The following HHIPL2 variants were observed in gnomAD, a reference collection of about 807,000 sequenced individuals.
HHIPL2 encodes the protein HHIP-like protein 2.
In HHIPL2, 61 loss-of-function variants were observed where a neutral mutation model predicts 61.0. The observed-to-expected ratio is 1.00, with a 90% confidence interval of 0.81 to 1.24. The LOEUF is 1.24. Ranked by LOEUF, HHIPL2 falls within the 50% of genes most tolerant of loss-of-function variation. The pLI is 0.00. For synonymous variants in HHIPL2, 343 were observed against 357.4 expected (o/e 0.96, Z 0.45); for missense variants, 885 against 910.2 (o/e 0.97, Z 0.36).
intron 1 of HHIPL2, 39 bp from the exon 2 acceptor site, chr1:222,544,228 T>A: frequency 6.4e-7 from 1 of 1,569,360 alleles, no homozygotes; most frequent in East Asian, 2.3e-5. Context: ...GCATCAGACC[T>A]GCCACACCGG....
At chr1:222,532,191 C>T in intron 5 of HHIPL2, 80 bp from the exon 6 acceptor site, 1 of 1,334,300 alleles carries the variant, frequency 7.5e-7, no homozygotes, top group Non-Finnish European at 1.0e-6. Context: ...AATCAGAGAT[C>T]CCTGAGTACT....
intron 7 of HHIPL2, among the ~76,000 whole-genome samples, chr1:222,526,585 A>C (rs748148066): frequency 2.0e-5 from 3 of 151,860 alleles, no homozygotes; most frequent in Non-Finnish European, 2.9e-5. Flanking sequence ...CATGCCTGTA[A>C]TCTCAGCTAC....
chr1:222,537,710 G>A (rs556592474), intron 5 of HHIPL2, among the ~76,000 whole-genome samples: 29 of 151,340 alleles, frequency 1.9e-4, no homozygotes, highest in African/African-American at 6.8e-4. Context: ...AGAAAATCCA[G>A]TAGAATCTAC....
In HHIPL2 at chr1:222,542,023, A is replaced by G; in HGVS notation, c.1107T>C (p.Asn369=). The G allele has an allele frequency of 6.2e-7, 1 of 1,612,086 alleles. No homozygotes were observed. Among genetic ancestry groups the G allele is most frequent in the South Asian group, 1.1e-5 (1 of 90,550 alleles). ...QAGDPFGLFG[N]AQNKSSLLGK... is the part of the protein sequence containing the mutation. ...CCCATCCAGCTTACTTGTTCTGAGC[A>G]TTTCCAAACAGGCCAAAGGGATCTC... The change falls in exon 3 of 9, where the codon AAT becomes AAC. Residue 369 remains asparagine, a synonymous_variant. Coordinates refer to ENST00000343410, the MANE Select transcript of HHIPL2 (RefSeq NM_024746.4).
Position 222,545,568 on chromosome 1 carries a change from G to A in HHIPL2, c.322-1379C>T, listed in dbSNP as rs556906908. Among the ~76,000 whole-genome samples, 204 of 152,268 alleles carry A rather than the reference G, an allele frequency of 1.3e-3. 1 individual carries two copies. Among genetic ancestry groups the A allele is most frequent in the African/African-American group, 4.6e-3 (193 of 41,554 alleles). On this transcript the variant is annotated intron_variant, in intron 1 of 8. Transcript: ENST00000343410. The stretch of plus-strand genomic sequence containing the variant: ...GAGACTGGGAAAAAGGGAGAAGGGA[G>A]GCTGAATTAAGGATCCAATACTAGA...
intron 5 of HHIPL2, among the ~76,000 whole-genome samples, chr1:222,536,613 G>A (rs2102616623): frequency 6.6e-6 from 1 of 152,298 alleles, no homozygotes; most frequent in South Asian, 2.1e-4. Context: ...TTGAACAGGA[G>A]TACTTATTCT....
chr1:222,539,978 C>A (rs747470915), intron 4 of HHIPL2, 32 bp downstream of exon 4: 8 of 1,582,708 alleles, frequency 5.1e-6, no homozygotes, highest in Non-Finnish European at 6.9e-6. Context: ...CTCAACTCAT[C>A]CAAGAAATCA....
intron 7 of HHIPL2, 124 bp from the exon 8 acceptor site, chr1:222,523,818 G>T: frequency 3.6e-6 from 3 of 823,936 alleles, no homozygotes; most frequent in Non-Finnish European, 4.1e-6. Context: ...ATGGGGATGG[G>T]GTAGATGTAA....
intron 4 of HHIPL2, chr1:222,539,003 C>A: frequency 2.0e-6 from 1 of 496,760 alleles, no homozygotes; most frequent in African/African-American, 1.9e-5. Context: ...GAGAGGAAGC[C>A]AAAAATTCCC....
chr1:222,546,174 T>C (rs1326791856), intron 1 of HHIPL2, among the ~76,000 whole-genome samples: 2 of 152,238 alleles, frequency 1.3e-5, no homozygotes, highest in East Asian at 1.9e-4. Flanking sequence ...AAAGTCTCTC[T>C]TCCAATGGAG....
Position 222,543,840 on chromosome 1 carries a change from T to C in HHIPL2, c.671A>G (p.His224Arg). Residue 224 changes from histidine (H) to arginine (R), a missense_variant, in exon 2 of 9, where the codon CAT becomes CGT. Physicochemically the swap from His to Arg is conservative, Grantham distance 29. Coordinates refer to ENST00000343410, the MANE Select transcript of HHIPL2 (RefSeq NM_024746.4). ...GAAGCGATGGGTGCCGTCCCCAGCA[T>C]GGACCATGGAGACGGGGTTCCTCAG... The part of the protein sequence containing the change: ...NGLRNPVSMV[H>R]AGDGTHRFFV... The C allele has an allele frequency of 6.2e-7, 1 of 1,614,162 alleles. No individual in the cohort carries two copies. Among genetic ancestry groups the C allele is most frequent in the Non-Finnish European group, 8.5e-7 (1 of 1,180,026 alleles).
chr1:222,528,638 C>T (rs893126557), intron 6 of HHIPL2, among the ~76,000 whole-genome samples: 12 of 152,062 alleles, frequency 7.9e-5, no homozygotes, highest in South Asian at 4.1e-4. Context: ...GTTCGATAAT[C>T]GTAGTTATTT....
chr1:222,523,675 A>G lies in HHIPL2; in HGVS notation c.1825T>C (p.Cys609Arg), dbSNP rs1157304137. ...CTCACGGGCACTGGCTTGTATTTGC[A>G]CTTGCCTGGGGGTGCTCGCCTAAAA... Reference protein sequence around the residue: ...DPSRRAPPGKCKYKPVPVRTK... With the variant: ...DPSRRAPPGKRKYKPVPVRTK... The change falls in exon 8 of 9, where the codon TGC becomes CGC. Residue 609 changes from cysteine to arginine, a missense_variant. Transcript: ENST00000343410. The G allele has an allele frequency of 1.9e-6, 3 of 1,614,156 alleles. No homozygotes were observed. Among genetic ancestry groups the G allele is most frequent in the Non-Finnish European group, 2.5e-6 (3 of 1,180,022 alleles).
At chr1:222,533,000 T>C (rs952953986) in intron 5 of HHIPL2, among the ~76,000 whole-genome samples, 2 of 152,194 alleles carry the variant, frequency 1.3e-5, no homozygotes, top group African/African-American at 2.4e-5. Flanking sequence ...CTCATCAGAA[T>C]CACCTGGAAA....
At chr1:222,534,627 A>G (rs1320986784) in intron 5 of HHIPL2, among the ~76,000 whole-genome samples, 2 of 151,326 alleles carry the variant, frequency 1.3e-5, no homozygotes, top group African/African-American at 4.9e-5. Flanking sequence ...GATACAGAGC[A>G]GACCCAAATC....
chr1:222,537,907 C>T (rs1030067300), intron 5 of HHIPL2, among the ~76,000 whole-genome samples: 7 of 152,148 alleles, frequency 4.6e-5, no homozygotes, highest in Non-Finnish European at 1.0e-4. Context: ...CTATAAAATA[C>T]AGTAGCCATG....
rs1266930360 is a variant in HHIPL2, at chr1:222,540,311, G to A, written c.1149C>T (p.Ile383=). The change falls in exon 4 of 9, where the codon ATC becomes ATT. Residue 383 remains isoleucine, a synonymous_variant. Transcript: ENST00000343410. ...KSSLLGKVLR[I]DVNRAGSHGK... The stretch of plus-strand genomic sequence containing the variant: ...CATGTGAGCCTGCCCTGTTCACATC[G>A]ATCCTTAAAACTTTTCCCAGCAGGG... The A allele has an allele frequency of 3.1e-6, 5 of 1,610,854 alleles. No homozygotes were observed. The highest frequency in any genetic ancestry group is 2.2e-5 in the East Asian group (1 of 44,858).
At chr1:222,545,543 G>C (rs1359030966) in intron 1 of HHIPL2, among the ~76,000 whole-genome samples, 1 of 152,110 alleles carries the variant, frequency 6.6e-6, no homozygotes, top group Non-Finnish European at 1.5e-5. Context: ...TCCACTCTCG[G>C]AGACTGGGAA....
intron 3 of HHIPL2, among the ~76,000 whole-genome samples, chr1:222,541,025 C>T (rs1659421086): frequency 6.6e-6 from 1 of 152,150 alleles, no homozygotes; most frequent in African/African-American, 2.4e-5. Context: ...AGCTTGAGGC[C>T]ATGAGTTCAA....
Sources: allele counts gnomAD v4.1 joint callset (sites outside exome capture counted in the v4.1 genomes callset), GRCh38; gene constraint gnomAD v4.1.1; transcripts MANE v1.5; gene names NCBI Gene and HGNC (gene_info 2026-07-23, HGNC 2026-07-21).